Variants in ZBTB20 observed in about 807,000 individuals in gnomAD.
ZBTB20 encodes the protein zinc finger and BTB domain-containing protein 20.
In ZBTB20, 9 loss-of-function variants were observed where a neutral mutation model predicts 56.9. The observed-to-expected ratio is 0.16, with a 90% CI of 0.10 to 0.28. ZBTB20 has a LOEUF of 0.28. ZBTB20 is among the 10% of genes least tolerant of loss of function. ZBTB20 has a pLI of 1.00. For missense variants in ZBTB20, 655 were observed against 1,003.0 expected (o/e 0.65, Z 4.69); for synonymous variants, 417 against 420.7 (o/e 0.99, Z 0.11).
intron 3 of ZBTB20, among the ~76,000 whole-genome samples, chr3:114,911,131 A>C: frequency 6.6e-6 from 1 of 150,856 alleles, no homozygotes; most frequent in East Asian, 1.9e-4. Context: ...CCAAAAAAAA[A>C]AGTGCCCTAG....
intron 5 of ZBTB20, among the ~76,000 whole-genome samples, chr3:114,761,021 T>C (rs1353250515): frequency 6.6e-6 from 1 of 152,180 alleles, no homozygotes; most frequent in African/African-American, 2.4e-5. Context: ...AGCTCTTTCA[T>C]AGATAGTAAA....
At chr3:114,568,227 G>C (rs2053016482) in intron 6 of ZBTB20, among the ~76,000 whole-genome samples, 1 of 152,180 alleles carries the variant, frequency 6.6e-6, no homozygotes, top group Non-Finnish European at 1.5e-5. Context: ...CCCCTCTACT[G>C]ATAAGGCTGC....
chr3:114,784,199 A>C (rs749499443), intron 5 of ZBTB20, among the ~76,000 whole-genome samples: 1 of 152,046 alleles, frequency 6.6e-6, no homozygotes, highest in Non-Finnish European at 1.5e-5. Flanking sequence ...TTCTTTCTAT[A>C]GTTAACTAGA....
At chr3:114,950,957 C>T (rs1426489775) in intron 3 of ZBTB20, among the ~76,000 whole-genome samples, 1 of 152,064 alleles carries the variant, frequency 6.6e-6, no homozygotes, top group African/African-American at 2.4e-5. Context: ...TATATAATCA[C>T]ATGATTCTAT....
chr3:115,139,790 C>G (rs1455858361), intron 1 of ZBTB20, among the ~76,000 whole-genome samples: 3 of 152,034 alleles, frequency 2.0e-5, no homozygotes, highest in Non-Finnish European at 4.4e-5. Context: ...AATGCAGAGT[C>G]AAGTTTACAA....
intron 7 of ZBTB20, among the ~76,000 whole-genome samples, chr3:114,399,123 G>T (rs1301731495): frequency 6.6e-6 from 1 of 152,156 alleles, no homozygotes; most frequent in African/African-American, 2.4e-5. Context: ...TGAATTTTTA[G>T]TGGGCCTACG....
intron 2 of ZBTB20, among the ~76,000 whole-genome samples, chr3:114,983,754 T>C (rs1373158414): frequency 6.6e-6 from 1 of 152,070 alleles, no homozygotes; most frequent in East Asian, 1.9e-4. Context: ...GTTTAAATTT[T>C]AAGTAATTTG....
chr3:114,782,465 G>C (rs1276700703), intron 5 of ZBTB20, among the ~76,000 whole-genome samples: 1 of 152,118 alleles, frequency 6.6e-6, no homozygotes, highest in Admixed American at 6.6e-5. Flanking sequence ...CTCTGTGCTG[G>C]GGATAAATGC....
At chr3:114,683,356 A>G (rs551413029) in intron 6 of ZBTB20, among the ~76,000 whole-genome samples, 1 of 152,276 alleles carries the variant, frequency 6.6e-6, no homozygotes, top group South Asian at 2.1e-4. Flanking sequence ...TGTCTCATGG[A>G]AGGTGGGAAT....
At chr3:114,479,065 T>C (rs4993466) in intron 7 of ZBTB20, among the ~76,000 whole-genome samples, 97,867 of 139,822 alleles carry the variant, frequency 0.7, 32,849 homozygotes, top group East Asian at 0.77. Flanking sequence ...TGTTCCTCTA[T>C]TGGGGGGGGG....
chr3:114,547,174 G>A (rs1326874160), intron 6 of ZBTB20, among the ~76,000 whole-genome samples: 1 of 152,176 alleles, frequency 6.6e-6, no homozygotes, highest in East Asian at 1.9e-4. Flanking sequence ...TGGCCTTACA[G>A]CTAGATGAGG....
chr3:115,069,403 T>C (rs557660457), intron 2 of ZBTB20, among the ~76,000 whole-genome samples: 138 of 152,266 alleles, frequency 9.1e-4, no homozygotes, highest in African/African-American at 3.1e-3. Context: ...TCAGTGTGGG[T>C]GAGTACTGTG....
At chr3:114,732,122 A>G (rs2065806907) in intron 5 of ZBTB20, among the ~76,000 whole-genome samples, 1 of 152,106 alleles carries the variant, frequency 6.6e-6, no homozygotes, top group African/African-American at 2.4e-5. Flanking sequence ...TCCATTCTAG[A>G]CTGTTGCTCA....
intron 11 of ZBTB20, among the ~76,000 whole-genome samples, chr3:114,347,883 T>C (rs1311648716): frequency 6.6e-6 from 1 of 152,236 alleles, no homozygotes; most frequent in Non-Finnish European, 1.5e-5. Flanking sequence ...AGGATGTTCA[T>C]AATTTACTAG....
At chr3:115,091,626 T>A (rs2083195284) in intron 1 of ZBTB20, among the ~76,000 whole-genome samples, 1 of 151,560 alleles carries the variant, frequency 6.6e-6, no homozygotes, top group African/African-American at 2.4e-5. Context: ...GAAGCTGTTT[T>A]TCCAAAGTAA....
At chr3:114,431,299 C>A (rs2090100642) in intron 7 of ZBTB20, among the ~76,000 whole-genome samples, 1 of 152,126 alleles carries the variant, frequency 6.6e-6, no homozygotes, top group African/African-American at 2.4e-5. Context: ...AGCTCCAGAA[C>A]TAAAACCCTC....
intron 6 of ZBTB20, among the ~76,000 whole-genome samples, chr3:114,671,888 CAG>C (rs1231133875): frequency 1.3e-5 from 2 of 152,086 alleles, no homozygotes; most frequent in Non-Finnish European, 2.9e-5. Context: ...TGAGTTTACA[CAG>C]AGTGTGGGAA....
intron 1 of ZBTB20, among the ~76,000 whole-genome samples, chr3:115,090,396 A>AT (rs1207351288): frequency 2.0e-5 from 3 of 151,774 alleles, no homozygotes; most frequent in Non-Finnish European, 4.4e-5. Context: ...TTTTCCCTCT[A>AT]TTTTTAAATA....
At chr3:114,532,205 C>G (rs1460699142) in intron 6 of ZBTB20, among the ~76,000 whole-genome samples, 1 of 152,160 alleles carries the variant, frequency 6.6e-6, no homozygotes, top group Non-Finnish European at 1.5e-5. Flanking sequence ...TGGATCCCAC[C>G]CCCATGGAGC....
Sources: allele counts gnomAD v4.1 joint callset (sites outside exome capture counted in the v4.1 genomes callset), GRCh38; gene constraint gnomAD v4.1.1; transcripts MANE v1.5; gene names NCBI Gene and HGNC (gene_info 2026-07-23, HGNC 2026-07-21).